The following LRP1B variants were observed in gnomAD, a reference collection of about 807,000 sequenced individuals.
LRP1B encodes the protein low-density lipoprotein receptor-related protein 1B.
Under a neutral mutation model 556.6 loss-of-function variants are expected in LRP1B, and 217 were observed. The observed-to-expected ratio is 0.39, with a 90% CI of 0.35 to 0.44. The LOEUF (loss-of-function observed/expected upper bound fraction) is 0.44, where lower values mean the gene tolerates loss of function less well. Ranked by LOEUF, LRP1B falls within the 20% of genes least tolerant of loss-of-function variation. LRP1B has a pLI of 1.00. For missense variants in LRP1B, 5,053 were observed against 5,620.8 expected (o/e 0.90, Z 3.23); for synonymous variants, 2,047 against 1,865.8 (o/e 1.10, Z -2.50).
At chr2:141,790,795 A>G (rs1574362731) in intron 2 of LRP1B, among the ~76,000 whole-genome samples, 1 of 152,054 alleles carries the variant, frequency 6.6e-6, no homozygotes, top group Non-Finnish European at 1.5e-5. Flanking sequence ...TTACAAATAG[A>G]CGTTAAAGTT....
At chr2:141,734,674 G>T (rs187968142) in intron 2 of LRP1B, among the ~76,000 whole-genome samples, 74 of 152,000 alleles carry the variant, frequency 4.9e-4, no homozygotes, top group South Asian at 3.3e-3. Flanking sequence ...AATTTTTAAG[G>T]GCCTCTCTGC....
intron 3 of LRP1B, among the ~76,000 whole-genome samples, chr2:141,361,940 C>T (rs1360966787): frequency 1.3e-5 from 2 of 152,156 alleles, no homozygotes; most frequent in African/African-American, 2.4e-5. Context: ...TCCATCTCAA[C>T]GCCCCCTCTC....
At chr2:141,878,898 T>TAA (rs1574456928) in intron 1 of LRP1B, among the ~76,000 whole-genome samples, 1 of 152,020 alleles carries the variant, frequency 6.6e-6, no homozygotes, top group East Asian at 1.9e-4. Context: ...CTAATTGTCC[T>TAA]AAGGTGTCAT....
chr2:140,938,061 A>C (rs1458109176), intron 20 of LRP1B, among the ~76,000 whole-genome samples: 1 of 151,980 alleles, frequency 6.6e-6, no homozygotes, highest in Non-Finnish European at 1.5e-5. Context: ...CACAGGATGC[A>C]ATCAGCTCCT....
chr2:140,380,122 C>A lies in LRP1B; in HGVS notation c.10532-1836G>T, dbSNP rs562236611. Among the ~76,000 whole-genome samples, 8 of 152,182 alleles carry A rather than the reference C, an allele frequency of 5.3e-5. No homozygotes were observed. The South Asian group carries it at 1.0e-3, about 20-fold the overall frequency. On this transcript the variant is annotated intron_variant, in intron 67 of 90. Coordinates refer to ENST00000389484, the MANE Select transcript of LRP1B (RefSeq NM_018557.3). Reference sequence around the variant, plus strand: ...ATTTTTGTAACAACTCTCTAAGGAACGTGCTATACTTGTACCCTGTTTAAG... The same window carrying A: ...ATTTTTGTAACAACTCTCTAAGGAAAGTGCTATACTTGTACCCTGTTTAAG...
At chr2:141,654,652 G>A (rs1689935627) in intron 2 of LRP1B, among the ~76,000 whole-genome samples, 1 of 151,918 alleles carries the variant, frequency 6.6e-6, no homozygotes, top group Non-Finnish European at 1.5e-5. Context: ...CTCTTCTCTC[G>A]ATCCACAGGG....
chr2:141,505,809 G>A (rs1274013220), intron 2 of LRP1B, among the ~76,000 whole-genome samples: 2 of 152,030 alleles, frequency 1.3e-5, no homozygotes, highest in East Asian at 3.9e-4. Flanking sequence ...ATTAACTCTT[G>A]TAAATTATCT....
intron 3 of LRP1B, among the ~76,000 whole-genome samples, chr2:141,287,849 A>G (rs1479550097): frequency 6.6e-6 from 1 of 152,226 alleles, no homozygotes; most frequent in Non-Finnish European, 1.5e-5. Context: ...CTGATAAGAA[A>G]TGGGAATTAA....
At chr2:142,118,771 C>T (rs13405497) in intron 1 of LRP1B, among the ~76,000 whole-genome samples, 3,524 of 152,210 alleles carry the variant, frequency 0.023, 56 homozygotes, top group African/African-American at 0.04. Flanking sequence ...TGGCACCCCT[C>T]TGCTAAAGTA....
At chr2:141,106,983 G>T (rs1220019189) in intron 7 of LRP1B, among the ~76,000 whole-genome samples, 2 of 147,994 alleles carry the variant, frequency 1.4e-5, no homozygotes, top group African/African-American at 5.0e-5. Flanking sequence ...TAAACTAATT[G>T]TTTTTTTTTT....
chr2:140,676,377 G>A (rs1421255223), intron 41 of LRP1B, among the ~76,000 whole-genome samples: 1 of 152,074 alleles, frequency 6.6e-6, no homozygotes, highest in Non-Finnish European at 1.5e-5. Flanking sequence ...ATATTTCTTG[G>A]ATAATCCCGC....
intron 62 of LRP1B, among the ~76,000 whole-genome samples, chr2:140,451,451 A>G (rs72897879): frequency 0.17 from 25,912 of 152,220 alleles, 2,472 homozygotes; most frequent in Non-Finnish European, 0.22. Flanking sequence ...ATTTAATTGC[A>G]TTTTATTCAG....
intron 84 of LRP1B, among the ~76,000 whole-genome samples, chr2:140,281,570 C>T (rs1682913733): frequency 1.3e-5 from 2 of 151,752 alleles, no homozygotes; most frequent in Non-Finnish European, 2.9e-5. Flanking sequence ...TATGAATGGA[C>T]ACTTATTGTT....
intron 7 of LRP1B, among the ~76,000 whole-genome samples, chr2:141,172,715 G>GAT (rs571839442): frequency 1.5e-4 from 23 of 151,900 alleles, no homozygotes; most frequent in East Asian, 3.9e-4. Context: ...AATAGAATCT[G>GAT]ATATATATAT....
chr2:140,332,925 C>T (rs1405340311), intron 79 of LRP1B, among the ~76,000 whole-genome samples: 1 of 151,836 alleles, frequency 6.6e-6, no homozygotes, highest in African/African-American at 2.4e-5. Flanking sequence ...AAAATAACAC[C>T]AAAGAAGTAT....
intron 3 of LRP1B, among the ~76,000 whole-genome samples, chr2:141,288,730 T>A (rs750697292): frequency 3.3e-5 from 5 of 152,220 alleles, no homozygotes; most frequent in Non-Finnish European, 5.9e-5. Context: ...TATTTTTACA[T>A]AATATACCTA....
At chr2:141,340,830 G>A (rs546717169) in intron 3 of LRP1B, among the ~76,000 whole-genome samples, 1 of 152,236 alleles carries the variant, frequency 6.6e-6, no homozygotes, top group South Asian at 2.1e-4. Flanking sequence ...TGGTCTAGAT[G>A]TCATTTCAAA....
In LRP1B at chr2:141,174,228, T is replaced by G. The variant is rs79619354; in HGVS notation, c.1013+14193A>C. On this transcript the variant is annotated intron_variant, in intron 7 of 90. Coordinates refer to ENST00000389484, the MANE Select transcript of LRP1B (RefSeq NM_018557.3). Reference sequence around the variant, plus strand: ...AATCATTTGAAAATGAACTTCCTCATGGTGTTTCTAGTCCATCCAGAGAAG... The same window carrying G: ...AATCATTTGAAAATGAACTTCCTCAGGGTGTTTCTAGTCCATCCAGAGAAG... Among the ~76,000 whole-genome samples, 981 of 152,206 alleles carry G rather than the reference T, an allele frequency of 6.4e-3. 11 individuals are homozygous for G. The highest frequency in any genetic ancestry group is 0.022 in the African/African-American group (899 of 41,570).
In LRP1B at chr2:140,983,685, G is replaced by C. The variant is rs550906612; in HGVS notation, c.2771-1409C>G. 5.9e-5 allele frequency among the ~76,000 whole-genome samples: 9 copies of C among 152,078 alleles called. No homozygotes were observed. The East Asian group carries it at 1.7e-3, about 29-fold the overall frequency. On this transcript the variant is annotated intron_variant, in intron 17 of 90. Coordinates refer to ENST00000389484, the MANE Select transcript of LRP1B (RefSeq NM_018557.3). ...AAGAAAAACAAATGAAAAATTTACT[G>C]GCTTGGTTTGATACATTAGATTGTT... is the stretch of plus-strand genomic sequence containing the variant.
Sources: gnomAD v4.1 joint callset for allele counts (sites outside exome capture counted in the v4.1 genomes callset) on GRCh38, gnomAD v4.1.1 for gene constraint, MANE v1.5 for transcripts, NCBI Gene and HGNC (gene_info 2026-07-23, HGNC 2026-07-21) for gene names.